PXDNL: variants seen among roughly 807,000 people sequenced by gnomAD.
The protein encoded by PXDNL is peroxidasin like.
In PXDNL, 145 loss-of-function variants were observed where a neutral mutation model predicts 150.8. That is an observed-to-expected ratio of 0.96 (90% CI 0.84 to 1.10). The LOEUF (loss-of-function observed/expected upper bound fraction) is 1.10, where lower values mean the gene tolerates loss of function less well. Ranked by LOEUF, PXDNL falls within the 50% of genes least tolerant of loss-of-function variation. The pLI, the probability that PXDNL is intolerant of heterozygous loss-of-function variation, is 0.00. For missense variants in PXDNL, 2,087 were observed against 1,873.9 expected, an observed-to-expected ratio of 1.11 and a Z score of -2.10; for synonymous variants, 757 against 725.7, an observed-to-expected ratio of 1.04 and a Z score of -0.69.
chr8:51,618,509 C>T (rs1278441362), intron 2 of PXDNL, among the ~76,000 whole-genome samples: 2 of 152,182 alleles, frequency 1.3e-5, no homozygotes, highest in Non-Finnish European at 2.9e-5. Flanking sequence ...CTGCATGGTT[C>T]ATGTTTTAGC....
chr8:51,607,868 G>GGAAGGAAGGAAA (rs1554557427), intron 2 of PXDNL, among the ~76,000 whole-genome samples: 4 of 115,152 alleles, frequency 3.5e-5, no homozygotes, highest in African/African-American at 1.2e-4. Context: ...AAGGAAGGAA[G>GGAAGGAAGGAAA]GAAGGAAGGA....
intron 1 of PXDNL, among the ~76,000 whole-genome samples, chr8:51,670,095 G>A (rs1231207186): frequency 1.3e-5 from 2 of 152,020 alleles, no homozygotes; most frequent in African/African-American, 2.4e-5. Context: ...AAATATAGCC[G>A]GTTGTGGTGG....
chr8:51,502,585 C>G (rs563852792), intron 4 of PXDNL, among the ~76,000 whole-genome samples: 3 of 152,036 alleles, frequency 2.0e-5, no homozygotes, highest in Non-Finnish European at 4.4e-5. Flanking sequence ...AGTCACGAGC[C>G]GGGTCTGTGG....
intron 5 of PXDNL, among the ~76,000 whole-genome samples, chr8:51,491,568 G>C (rs1390308746): frequency 6.6e-6 from 1 of 152,172 alleles, no homozygotes; most frequent in Non-Finnish European, 1.5e-5. Flanking sequence ...CCCAAGCTAA[G>C]AAGTCCCTTC....
intron 3 of PXDNL, among the ~76,000 whole-genome samples, chr8:51,585,531 A>C (rs1443532984): frequency 6.6e-6 from 1 of 152,134 alleles, no homozygotes; most frequent in Non-Finnish European, 1.5e-5. Context: ...CATGAAACAT[A>C]ATTAAACACA....
chr8:51,585,452 G>A (rs372554869), intron 3 of PXDNL, among the ~76,000 whole-genome samples: 2 of 152,084 alleles, frequency 1.3e-5, no homozygotes, highest in South Asian at 4.1e-4. Context: ...GGCACACCAG[G>A]AACATGCAAT....
intron 1 of PXDNL, among the ~76,000 whole-genome samples, chr8:51,802,853 G>A (rs879668054): frequency 6.6e-6 from 1 of 152,186 alleles, no homozygotes; most frequent in Non-Finnish European, 1.5e-5. Flanking sequence ...GGATGTTTAA[G>A]TTATAGTGGT....
At chr8:51,746,882 C>A (rs772017979) in intron 1 of PXDNL, among the ~76,000 whole-genome samples, 2 of 151,834 alleles carry the variant, frequency 1.3e-5, no homozygotes, top group Non-Finnish European at 2.9e-5. Flanking sequence ...CCACCACACC[C>A]AGTTAACTTT....
intron 19 of PXDNL, among the ~76,000 whole-genome samples, chr8:51,351,707 A>G (rs938439241): frequency 6.6e-6 from 1 of 152,096 alleles, no homozygotes. Context: ...TGAGGCTCCA[A>G]TCTGTTAGTT....
At chr8:51,426,831 G>A (rs1286592558) in intron 12 of PXDNL, 73 bp from the exon 13 acceptor site, 2 of 839,778 alleles carry the variant, frequency 2.4e-6, no homozygotes, top group East Asian at 5.4e-5. Context: ...CTGAGTCAAA[G>A]GTATGAACCT....
At position 51,506,107 on chromosome 8, in the gene PXDNL, G is replaced by A. The variant is rs536133608; in HGVS notation, c.381-6337C>T. 6.6e-5 allele frequency among the ~76,000 whole-genome samples: 10 copies of A among 152,296 alleles called. No homozygotes were observed. In the East Asian group the frequency reaches 1.9e-3, roughly 29 times the overall value. ...CTTTCCAGCATCTCATTTGCATGCTGTGCTAAAGTCAATAACAGTGTATTC... is the reference window on the plus strand; with the variant it reads ...CTTTCCAGCATCTCATTTGCATGCTATGCTAAAGTCAATAACAGTGTATTC... On this transcript the variant is annotated intron_variant, in intron 4 of 22. Coordinates refer to ENST00000356297, the MANE Select transcript of PXDNL (RefSeq NM_144651.5).
chr8:51,578,066 A>C (rs1327974156), intron 3 of PXDNL, among the ~76,000 whole-genome samples: 1 of 144,900 alleles, frequency 6.9e-6, no homozygotes, highest in Non-Finnish European at 1.5e-5. Context: ...AAGAAAGGAA[A>C]GAAAGAAAAG....
chr8:51,361,023 C>T (rs578097178), intron 19 of PXDNL, among the ~76,000 whole-genome samples: 129 of 152,330 alleles, frequency 8.5e-4, no homozygotes, highest in African/African-American at 2.7e-3. Context: ...GAACTTCCTC[C>T]GATGCCCAGA....
chr8:51,514,484 T>C (rs1414337428), intron 4 of PXDNL, among the ~76,000 whole-genome samples: 2 of 152,196 alleles, frequency 1.3e-5, no homozygotes, highest in Non-Finnish European at 2.9e-5. Context: ...AATACTATAT[T>C]ATGAAAATTC....
chr8:51,558,553 TGAG>T (rs1812644300), intron 3 of PXDNL, among the ~76,000 whole-genome samples: 1 of 152,054 alleles, frequency 6.6e-6, no homozygotes, highest in South Asian at 2.1e-4. Flanking sequence ...TTTTAAATAA[TGAG>T]GAGTTGTTTC....
At chr8:51,438,474 G>T (rs1450118052) in intron 12 of PXDNL, among the ~76,000 whole-genome samples, 2 of 152,118 alleles carry the variant, frequency 1.3e-5, no homozygotes, top group Non-Finnish European at 2.9e-5. Context: ...GCACATATTT[G>T]GGAGGCCAAA....
intron 2 of PXDNL, among the ~76,000 whole-genome samples, chr8:51,649,638 T>TG (rs1255697796): frequency 6.6e-6 from 1 of 152,108 alleles, no homozygotes; most frequent in African/African-American, 2.4e-5. Flanking sequence ...TATTTCTAGT[T>TG]GGGGGGGAGT....
chr8:51,561,214 A>T (rs1187667101), intron 3 of PXDNL, among the ~76,000 whole-genome samples: 1 of 151,954 alleles, frequency 6.6e-6, no homozygotes, highest in East Asian at 1.9e-4. Context: ...TTAAAAATTA[A>T]AAATTCAATT....
chr8:51,608,054 A>AAGCAAGCAAGC (rs1813893987), intron 2 of PXDNL, among the ~76,000 whole-genome samples: 4 of 111,704 alleles, frequency 3.6e-5, no homozygotes, highest in Admixed American at 8.6e-5. Context: ...AGAAAGAAAG[A>AAGCAAGCAAGC]AAGCAAGCAA....
Sources: gnomAD v4.1 joint callset for allele counts (sites outside exome capture counted in the v4.1 genomes callset) on GRCh38, gnomAD v4.1.1 for gene constraint, MANE v1.5 for transcripts, NCBI Gene and HGNC (gene_info 2026-07-23, HGNC 2026-07-21) for gene names.